AKR7A2: variants seen among roughly 807,000 people sequenced by gnomAD.
The protein encoded by AKR7A2 is aflatoxin B1 aldehyde reductase member 2.
In AKR7A2, 29 loss-of-function variants were observed where a neutral mutation model predicts 37.3. The ratio of observed to expected loss-of-function variants is 0.78; its 90% confidence interval spans 0.58 to 1.06. AKR7A2 has a LOEUF of 1.06. Ranked by LOEUF, AKR7A2 falls within the 50% of genes least tolerant of loss-of-function variation. The pLI is 0.00. For synonymous variants in AKR7A2, 228 were observed against 217.8 expected (o/e 1.05, Z -0.41); for missense variants, 529 against 497.9 (o/e 1.06, Z -0.59).
intron 5 of AKR7A2, 107 bp downstream of exon 5, chr1:19,306,895 G>T: frequency 2.0e-6 from 2 of 986,306 alleles, no homozygotes; most frequent in South Asian, 1.3e-5. Context: ...CAGGGGAGGA[G>T]ATGCAAACAG....
rs1216202141 is a variant in AKR7A2, at chr1:19,307,001, C to T, written c.788+1G>A. On this transcript the variant is annotated splice_donor_variant, in intron 5 of 6. Coordinates refer to ENST00000235835, the MANE Select transcript of AKR7A2 (RefSeq NM_003689.4). LOFTEE classifies it high-confidence loss of function. ...CCTCACCAAGCCCACCCCCGGCTCA[C>T]CGATTCCTGTAGGTCTCAGCCCAGC... 1 of 1,614,098 alleles carries T rather than the reference C, an allele frequency of 6.2e-7. No homozygotes were observed. The highest frequency in any genetic ancestry group is 1.7e-5 in the Admixed American group (1 of 60,032).
intron 4 of AKR7A2, 76 bp downstream of exon 4, chr1:19,307,238 C>T (rs1382144252): frequency 1.2e-6 from 2 of 1,606,184 alleles, no homozygotes; most frequent in African/African-American, 2.7e-5. Flanking sequence ...TCAAACCCTC[C>T]CTGCTTCATA....
chr1:19,307,782 G>A (rs1485961808), intron 3 of AKR7A2: 6 of 489,262 alleles, frequency 1.2e-5, no homozygotes, highest in Non-Finnish European at 2.2e-5. Context: ...CTCGCTGAAT[G>A]TATGAAGATG....
At chr1:19,311,607 G>A (rs1481505276) in intron 1 of AKR7A2, among the ~76,000 whole-genome samples, 1 of 151,968 alleles carries the variant, frequency 6.6e-6, no homozygotes, top group Non-Finnish European at 1.5e-5. Flanking sequence ...GGAGACTCTC[G>A]CGCTGCAACT....
intron 4 of AKR7A2, 92 bp downstream of exon 4, chr1:19,307,222 C>T: frequency 6.2e-7 from 1 of 1,600,710 alleles, no homozygotes; most frequent in Non-Finnish European, 8.6e-7. Flanking sequence ...ACAGCCCAGC[C>T]TCTTGTCAAA....
chr1:19,311,974 T>A lies in AKR7A2; in HGVS notation c.151A>T (p.Met51Leu), dbSNP rs2093777722. Reference protein sequence around the residue: ...VLGTMEMGRRMDAPASAAAVR... With the variant: ...VLGTMEMGRRLDAPASAAAVR... ...GCCGCGGCGCTGGCGGGCGCGTCCA[T>A]GCGGCGCCCCATCTCCATGGTGCCC... The change falls in exon 1 of 7, where the codon ATG becomes TTG. Residue 51 changes from methionine to leucine, a missense_variant. Coordinates refer to ENST00000235835, the MANE Select transcript of AKR7A2 (RefSeq NM_003689.4). The A allele has an allele frequency of 5.1e-6, 8 of 1,562,550 alleles. No homozygotes were observed. Among genetic ancestry groups the A allele is most frequent in the African/African-American group, 1.4e-5 (1 of 73,466 alleles).
intron 3 of AKR7A2, 91 bp downstream of exon 3, chr1:19,308,067 C>T (rs1209803109): frequency 2.0e-6 from 3 of 1,527,906 alleles, no homozygotes; most frequent in Admixed American, 3.4e-5. Flanking sequence ...GGCTGCTATG[C>T]AGACGGCACA....
chr1:19,307,544 G>A, intron 3 of AKR7A2, 134 bp from the exon 4 acceptor site: 1 of 964,250 alleles, frequency 1.0e-6, no homozygotes, highest in Non-Finnish European at 1.6e-6. Context: ...GTTAGTAGGG[G>A]ATGGAGGGAA....
At chr1:19,310,349 C>T (rs776600223) in intron 1 of AKR7A2, among the ~76,000 whole-genome samples, 14 of 152,022 alleles carry the variant, frequency 9.2e-5, no homozygotes, top group African/African-American at 2.2e-4. Flanking sequence ...AAGACGGAAG[C>T]GGGGAAGGGT....
chr1:19,304,523 G>A (rs2093757787), intron 6 of AKR7A2, 137 bp from the exon 7 acceptor site: 2 of 1,492,372 alleles, frequency 1.3e-6, no homozygotes, highest in Admixed American at 1.7e-5. Flanking sequence ...AGGACTTAAG[G>A]TGCCTTGGAT....
chr1:19,307,963 AG>A, intron 3 of AKR7A2, 194 bp downstream of exon 3: 1 of 700,438 alleles, frequency 1.4e-6, no homozygotes, highest in Non-Finnish European at 2.5e-6. Context: ...ACAGATAGGC[AG>A]GAAGGAAGCA....
chr1:19,307,105 C>T lies in AKR7A2; in HGVS notation c.689-4G>A, dbSNP rs752727831. ...TACTTGCCAGTCAGCAGGCCCCCTG[C>T]GGGAAGGCAGCAATCAGCCCCTGGC... On this transcript the variant is annotated splice_region_variant and splice_polypyrimidine_tract_variant and intron_variant, in intron 4 of 6. Transcript: ENST00000235835. The T allele has an allele frequency of 1.4e-5, 23 of 1,614,088 alleles. No individual in the cohort carries two copies. Among genetic ancestry groups the T allele is most frequent in the Admixed American group, 1.0e-4 (6 of 60,008 alleles).
intron 3 of AKR7A2, 130 bp from the exon 4 acceptor site, chr1:19,307,540 A>ATT: frequency 3.1e-6 from 3 of 972,692 alleles, no homozygotes; most frequent in Non-Finnish European, 3.2e-6. Context: ...TACTGTTAGT[A>ATT]GGGGATGGAG....
In AKR7A2 at chr1:19,311,945, CACGGCCGCGGCGCTG is replaced by C. The variant is rs757336797; in HGVS notation, c.165_179del (p.Ser56_Val60del). ...TGTGGCCGCGCTCCAGAAAGGCGCG[CACGGCCGCGGCGCTG>C]GCGGGCGCGTCCATGCGGCGCCCCA... On this transcript the variant is annotated inframe_deletion, in exon 1 of 7. Transcript: ENST00000235835. 98 of 1,597,886 alleles carry C rather than the reference CACGGCCGCGGCGCTG, an allele frequency of 6.1e-5. No homozygotes were observed. Among genetic ancestry groups the C allele is most frequent in the Non-Finnish European group, 8.0e-5 (94 of 1,173,488 alleles).
chr1:19,304,094 C>T lies in AKR7A2; in HGVS notation c.*131G>A. 1 of 1,456,894 alleles carries T rather than the reference C, an allele frequency of 6.9e-7. No homozygotes were observed. Among genetic ancestry groups the T allele is most frequent in the Non-Finnish European group, 9.5e-7 (1 of 1,048,344 alleles). The allele number at this position is 1,456,894 out of a possible 1,614,324, so 90.2% of individuals were successfully genotyped here. On this transcript the variant is annotated 3_prime_UTR_variant, in exon 7 of 7. Coordinates refer to ENST00000235835, the MANE Select transcript of AKR7A2 (RefSeq NM_003689.4). ...AGTGAATAGGGAGCAAGGCAGGAAG[C>T]TAGAAAAATAATGCATGGATCTAGA...
Position 19,307,325 on chromosome 1 carries a change from T to C in AKR7A2, c.677A>G (p.Asn226Ser), listed in dbSNP as rs772546719. 3 of 1,613,044 alleles carry C rather than the reference T, an allele frequency of 1.9e-6. No individual in the cohort carries two copies. Among genetic ancestry groups the C allele is most frequent in the Admixed American group, 1.7e-5 (1 of 59,988 alleles). Residue 226 changes from asparagine to serine, a missense_variant, in exon 4 of 7, where the codon AAC (asparagine) becomes AGC (serine). Asn to Ser is a conservative substitution (Grantham distance 46). Transcript: ENST00000235835. ...RHFGLRFYAY[N>S]PLAGGLLTGK... is the part of the protein sequence containing the mutation. ...AATGCTCCACGTACCAGCCAGAGGG[T>C]TGTAGGCATAGAACCTCAGTCCAAA...
rs1157213060 is a variant in AKR7A2 at position 19,307,322 on chromosome 1, G to A, written c.680C>T (p.Pro227Leu). Residue 227 changes from proline (P) to leucine (L), a missense_variant, in exon 4 of 7, where the codon CCT becomes CTT. Coordinates refer to ENST00000235835, the MANE Select transcript of AKR7A2 (RefSeq NM_003689.4). ...AGGAATGCTCCACGTACCAGCCAGA[G>A]GGTTGTAGGCATAGAACCTCAGTCC... is the stretch of plus-strand genomic sequence containing the variant. The part of the protein sequence containing the change: ...HFGLRFYAYN[P>L]LAGGLLTGKY... The A allele has an allele frequency of 2.5e-6, 4 of 1,613,358 alleles. No individual in the cohort carries two copies. Among genetic ancestry groups the A allele is most frequent in the Non-Finnish European group, 3.4e-6 (4 of 1,179,970 alleles).
At chr1:19,311,721 C>A in intron 1 of AKR7A2, 106 bp downstream of exon 1, 2 of 1,436,324 alleles carry the variant, frequency 1.4e-6, no homozygotes, top group Non-Finnish European at 1.9e-6. Context: ...GAGCGAGGGA[C>A]GAATCCGTCG....
At position 19,304,327 on chromosome 1, in the gene AKR7A2, G is replaced by A. The variant is rs778096339; in HGVS notation, c.978C>T (p.Asn326=). 2 of 1,614,186 alleles carry A rather than the reference G, an allele frequency of 1.2e-6. No homozygotes were observed. Among genetic ancestry groups the A allele is most frequent in the East Asian group, 4.5e-5 (2 of 44,886 alleles). The change falls in exon 7 of 7, where the codon AAC becomes AAT. Residue 326 remains asparagine (N), a synonymous_variant. Transcript: ENST00000235835. ...GMSSLEQLEQ[N]LAATEEGPLE... ...GGGGCCCTTCCTCTGTTGCTGCCAA[G>A]TTCTGCTCCAGCTGCTCCAGGCTGG...
Sources: allele counts gnomAD v4.1 joint callset (sites outside exome capture counted in the v4.1 genomes callset), GRCh38; gene constraint gnomAD v4.1.1; transcripts MANE v1.5; gene names NCBI Gene and HGNC (gene_info 2026-07-23, HGNC 2026-07-21).